Variants in FRMD4A observed in about 807,000 individuals in gnomAD.
The protein encoded by FRMD4A is FERM domain containing 4A.
A neutral mutation model predicts 129.1 loss-of-function variants in FRMD4A; 29 were observed. The ratio of observed to expected loss-of-function variants is 0.22; its 90% CI spans 0.17 to 0.31. The LOEUF is 0.31. Among genes scored for constraint, FRMD4A ranks in the 10% least tolerant of loss-of-function variants. The pLI is 1.00. For synonymous variants in FRMD4A, 634 were observed against 571.6 expected, an observed-to-expected ratio of 1.11 and a Z score of -1.56; for missense variants, 1,272 against 1,375.8, an observed-to-expected ratio of 0.92 and a Z score of 1.19.
chr10:14,131,402 C>G lies in FRMD4A; in HGVS notation c.45+198656G>C, dbSNP rs370651688. ...CCTTAGCCCAACTCACTGTGCCCCC[C>G]CCGGCCGCCCTGTTGTCTCTAGGTG... On this transcript the variant is annotated intron_variant, in intron 2 of 24. Coordinates refer to ENST00000357447, the MANE Select transcript of FRMD4A (RefSeq NM_018027.5). 1.1e-3 allele frequency among the ~76,000 whole-genome samples: 174 copies of G among 151,870 alleles called. 1 individual carries two copies. Among genetic ancestry groups the G allele is most frequent in the African/African-American group, 3.5e-3 (146 of 41,448 alleles).
intron 2 of FRMD4A, among the ~76,000 whole-genome samples, chr10:13,897,672 C>G (rs943821540): frequency 3.9e-5 from 6 of 152,146 alleles, no homozygotes; most frequent in Admixed American, 3.9e-4. Context: ...TACAGTGGCT[C>G]AAGCCTGTAA....
intron 16 of FRMD4A, among the ~76,000 whole-genome samples, chr10:13,672,211 T>C (rs756644531): frequency 4.6e-5 from 7 of 152,202 alleles, no homozygotes; most frequent in Non-Finnish European, 8.8e-5. Flanking sequence ...CCGTGGACTT[T>C]ATATTCCTCA....
intron 2 of FRMD4A, among the ~76,000 whole-genome samples, chr10:14,216,881 T>G (rs1475498929): frequency 6.6e-6 from 1 of 152,206 alleles, no homozygotes; most frequent in African/African-American, 2.4e-5. Context: ...TCTCTTCTTT[T>G]GCATTCTGTA....
intron 12 of FRMD4A, among the ~76,000 whole-genome samples, chr10:13,713,641 T>G (rs1226391216): frequency 6.6e-6 from 1 of 151,470 alleles, no homozygotes; most frequent in Non-Finnish European, 1.5e-5. Context: ...AGATGGAATT[T>G]AAAATGTGAG....
chr10:13,740,271 A>G lies in FRMD4A; in HGVS notation c.615-20T>C. ...ATGTAGCTGGAATGACAACACGAAG[A>G]TACACAAACACACACACAATGCGCA... On this transcript the variant is annotated intron_variant, in intron 10 of 24. Coordinates refer to ENST00000357447, the MANE Select transcript of FRMD4A (RefSeq NM_018027.5). 6.4e-7 allele frequency: 1 copy of G among 1,560,490 alleles called. No individual in the cohort carries two copies. Among genetic ancestry groups the G allele is most frequent in the Middle Eastern group, 1.7e-4 (1 of 5,968 alleles).
intron 2 of FRMD4A, among the ~76,000 whole-genome samples, chr10:14,188,575 A>G (rs1842220080): frequency 6.6e-6 from 1 of 152,208 alleles, no homozygotes; most frequent in African/African-American, 2.4e-5. Flanking sequence ...CCCAATGTCC[A>G]TTACTTAATA....
At chr10:14,008,893 C>A (rs2095671616) in intron 2 of FRMD4A, among the ~76,000 whole-genome samples, 1 of 152,168 alleles carries the variant, frequency 6.6e-6, no homozygotes, top group African/African-American at 2.4e-5. Context: ...ATACAGTCCA[C>A]AGAGAGAAAG....
chr10:14,129,397 TATATATATATAA>T lies in FRMD4A; in HGVS notation c.45+200649_45+200660del, dbSNP rs1466554451. 3.7e-4 allele frequency among the ~76,000 whole-genome samples: 49 copies of T among 131,852 alleles called. 1 individual carries two copies. The highest frequency in any genetic ancestry group is 1.7e-3 in the South Asian group (7 of 4,232). 86.5% of individuals were successfully genotyped at this position (131,852 alleles called of 152,430 possible). ...ATATATATATATATATATATATATA[TATATATATATAA>T]AAAATATGAGCTGTAGAACATACTT... On this transcript the variant is annotated intron_variant, in intron 2 of 24. Transcript: ENST00000357447.
At chr10:13,679,704 C>T (rs1357105786) in intron 15 of FRMD4A, among the ~76,000 whole-genome samples, 1 of 151,860 alleles carries the variant, frequency 6.6e-6, no homozygotes, top group Non-Finnish European at 1.5e-5. Flanking sequence ...AAAAGAGGTT[C>T]CCATTGCCTT....
chr10:13,798,412 A>G (rs1470386299), intron 4 of FRMD4A, among the ~76,000 whole-genome samples: 1 of 151,958 alleles, frequency 6.6e-6, no homozygotes, highest in African/African-American at 2.4e-5. Flanking sequence ...TGTCTCAAGA[A>G]AAAATAAATA....
chr10:13,983,733 C>A (rs1277211889), intron 2 of FRMD4A, among the ~76,000 whole-genome samples: 3 of 152,022 alleles, frequency 2.0e-5, no homozygotes, highest in African/African-American at 7.3e-5. Context: ...GGCGCGGTGG[C>A]TCATGCCTGT....
At chr10:14,220,812 T>TTGTG (rs60118766) in intron 2 of FRMD4A, among the ~76,000 whole-genome samples, 139 of 45,448 alleles carry the variant, frequency 3.1e-3, no homozygotes, top group African/African-American at 5.2e-3. Context: ...GTGTGTGTGT[T>TTGTG]TGTGTGTGTG....
At chr10:13,675,419 T>C (rs1271274140) in intron 15 of FRMD4A, among the ~76,000 whole-genome samples, 1 of 152,226 alleles carries the variant, frequency 6.6e-6, no homozygotes, top group South Asian at 2.1e-4. Context: ...TTTATCTTTG[T>C]TTGAGACAGT....
chr10:14,231,649 C>T (rs1843644743), intron 2 of FRMD4A, among the ~76,000 whole-genome samples: 1 of 152,174 alleles, frequency 6.6e-6, no homozygotes, highest in Non-Finnish European at 1.5e-5. Context: ...CCCGGCCTCT[C>T]ATTGTGGTTT....
chr10:14,151,240 G>A (rs1840323814), intron 2 of FRMD4A, among the ~76,000 whole-genome samples: 1 of 152,162 alleles, frequency 6.6e-6, no homozygotes, highest in Admixed American at 6.5e-5. Flanking sequence ...GGTTACAATG[G>A]CAAAGTCATG....
intron 4 of FRMD4A, among the ~76,000 whole-genome samples, chr10:13,798,130 G>A (rs1216831122): frequency 6.6e-6 from 1 of 152,216 alleles, no homozygotes; most frequent in Non-Finnish European, 1.5e-5. Flanking sequence ...TAATGAAAGG[G>A]TTGGGCGCAG....
chr10:13,734,292 T>TTTTCCTATCCAGCCTCCAAGCAG (rs2090494903), intron 12 of FRMD4A, among the ~76,000 whole-genome samples: 1 of 152,048 alleles, frequency 6.6e-6, no homozygotes, highest in Non-Finnish European at 1.5e-5. Context: ...TGTCCTGGGT[T>TTTTCCTATCCAGCCTCCAAGCAG]TTTCCTATCC....
intron 2 of FRMD4A, among the ~76,000 whole-genome samples, chr10:14,109,321 A>G (rs549436533): frequency 1.3e-5 from 2 of 152,166 alleles, no homozygotes; most frequent in Non-Finnish European, 2.9e-5. Context: ...TTCCATAGTC[A>G]GTTCCTTAGT....
At chr10:13,756,405 G>A (rs1216636444) in intron 8 of FRMD4A, among the ~76,000 whole-genome samples, 2 of 152,168 alleles carry the variant, frequency 1.3e-5, no homozygotes, top group African/African-American at 2.4e-5. Context: ...ACTCAGGCTG[G>A]AGTGCAGTGG....
Sources: gnomAD v4.1 joint callset for allele counts (sites outside exome capture counted in the v4.1 genomes callset) on GRCh38, gnomAD v4.1.1 for gene constraint, MANE v1.5 for transcripts, NCBI Gene and HGNC (gene_info 2026-07-23, HGNC 2026-07-21) for gene names.